The following NUP88 variants were observed in gnomAD, a reference collection of about 807,000 sequenced individuals.
The protein encoded by NUP88 is nucleoporin 88, also known as nuclear pore complex protein Nup88.
Under a neutral mutation model 93.9 loss-of-function variants are expected in NUP88, and 57 were observed. The ratio of observed to expected loss-of-function variants is 0.61; its 90% CI spans 0.49 to 0.76. NUP88 has a LOEUF of 0.76. Among genes scored for constraint, NUP88 ranks in the 30% least tolerant of loss-of-function variants. NUP88 has a pLI of 0.00. For synonymous variants in NUP88, 346 were observed against 336.8 expected (o/e 1.03, Z -0.30); for missense variants, 911 against 901.0 (o/e 1.01, Z -0.14).
At position 5,414,109 on chromosome 17, in the gene NUP88, A is replaced by C. The variant is rs1300284506; in HGVS notation, c.493T>G (p.Phe165Val). ...AGAGTCAGAGAGGTGGAACTGGTGA[A>C]AAATCTCTCCGCAACTGGAGTGGTA... is the stretch of plus-strand genomic sequence containing the variant. ...CSTTPVAERF[F>V]TSSTSLTLKH... Residue 165 changes from phenylalanine to valine, a missense_variant, in exon 3 of 17, where the codon TTC becomes GTC. By Grantham distance (50) the Phe-to-Val change is conservative (BLOSUM62 -1). Coordinates refer to ENST00000573584, the MANE Select transcript of NUP88 (RefSeq NM_002532.6). 3 of 1,613,640 alleles carry C rather than the reference A, an allele frequency of 1.9e-6. No homozygotes were observed. Among genetic ancestry groups the C allele is most frequent in the Admixed American group, 1.7e-5 (1 of 60,002 alleles).
At position 5,394,652 on chromosome 17, in the gene NUP88, C is replaced by A. The variant is rs77291596; in HGVS notation, c.1382+239G>T. On this transcript the variant is annotated intron_variant, in intron 9 of 16. Coordinates refer to ENST00000573584, the MANE Select transcript of NUP88 (RefSeq NM_002532.6). ...GAGTTAGCCAAGAGAAGACAGCAAG[C>A]TGGGGCTGGGGCTGGGGCTGGGGAA... 9.3e-3 allele frequency among the ~76,000 whole-genome samples: 1,418 copies of A among 151,658 alleles called. 30 individuals are homozygous for A. Among genetic ancestry groups the A allele is most frequent in the African/African-American group, 0.031 (1,298 of 41,354 alleles).
intron 6 of NUP88, 52 bp downstream of exon 6, chr17:5,405,005 G>A: frequency 3.4e-6 from 5 of 1,486,986 alleles, no homozygotes; most frequent in East Asian, 2.3e-5. Context: ...TATTGGGTCA[G>A]GAACTATGCC....
chr17:5,413,120 G>A (rs1212868616), intron 3 of NUP88, among the ~76,000 whole-genome samples: 2 of 152,184 alleles, frequency 1.3e-5, no homozygotes, highest in African/African-American at 2.4e-5. Context: ...TGGGACTACC[G>A]GCACATGCCA....
intron 9 of NUP88, among the ~76,000 whole-genome samples, chr17:5,394,527 G>A (rs1047800067): frequency 1.3e-5 from 2 of 152,174 alleles, no homozygotes; most frequent in African/African-American, 4.8e-5. Context: ...AGTGTAATAT[G>A]TGCTACAATG....
intron 3 of NUP88, 53 bp from the exon 4 acceptor site, chr17:5,410,842 C>A: frequency 1.8e-6 from 2 of 1,100,326 alleles, no homozygotes; most frequent in South Asian, 1.3e-5. Context: ...TTTCATTTCC[C>A]AAAACTGCAC....
chr17:5,416,737 G>A (rs1914173117), intron 1 of NUP88, 55 bp from the exon 2 acceptor site: 6 of 1,401,302 alleles, frequency 4.3e-6, no homozygotes. Context: ...AATATAGGTG[G>A]CAGTTACTTG....
chr17:5,418,540 C>T (rs1914345677), intron 1 of NUP88, among the ~76,000 whole-genome samples: 1 of 152,210 alleles, frequency 6.6e-6, no homozygotes. Context: ...GCGTGAGCCA[C>T]CGCGCCCGGC....
At chr17:5,394,473 A>G (rs1413391573) in intron 9 of NUP88, among the ~76,000 whole-genome samples, 1 of 152,232 alleles carries the variant, frequency 6.6e-6, no homozygotes, top group African/African-American at 2.4e-5. Context: ...AAACATATAC[A>G]TTCCGGTAGT....
chr17:5,408,737 G>GT lies in NUP88; in HGVS notation c.852dup (p.His285ThrfsTer20). ...TGGGTGACCACCTCAACTTACCTGT[G>GT]TAACAGACTGATGTATGTCAGGAAA... On this transcript the variant is annotated frameshift_variant, in exon 5 of 17. Coordinates refer to ENST00000573584, the MANE Select transcript of NUP88 (RefSeq NM_002532.6). LOFTEE classifies it high-confidence loss of function. 1 of 1,598,640 alleles carries GT rather than the reference G, an allele frequency of 6.3e-7. No homozygotes were observed. Among genetic ancestry groups the GT allele is most frequent in the Non-Finnish European group, 8.5e-7 (1 of 1,173,786 alleles).
At position 5,414,114 on chromosome 17, in the gene NUP88, C is replaced by A; in HGVS notation, c.488G>T (p.Arg163Ile). Residue 163 changes from arginine to isoleucine, a missense_variant, in exon 3 of 17, where the codon AGA becomes ATA. Physicochemically the swap from Arg to Ile is moderately conservative, Grantham distance 97. Coordinates refer to ENST00000573584, the MANE Select transcript of NUP88 (RefSeq NM_002532.6). The part of the protein sequence containing the change: ...VNCSTTPVAE[R>I]FFTSSTSLTL... ...CAGAGAGGTGGAACTGGTGAAAAAT[C>A]TCTCCGCAACTGGAGTGGTACTAAA... 6.2e-7 allele frequency: 1 copy of A among 1,613,762 alleles called. No individual in the cohort carries two copies. Among genetic ancestry groups the A allele is most frequent in the Non-Finnish European group, 8.5e-7 (1 of 1,179,690 alleles).
At chr17:5,389,047 TCAGAATATAAA>T in intron 10 of NUP88, 87 bp from the exon 11 acceptor site, 1 of 982,594 alleles carries the variant, frequency 1.0e-6, no homozygotes, top group East Asian at 2.8e-5. Flanking sequence ...TCCAGAACTT[TCAGAATATAAA>T]ATAAAGTGTA....
intron 2 of NUP88, among the ~76,000 whole-genome samples, chr17:5,415,544 C>G (rs1009882209): frequency 6.6e-6 from 1 of 152,078 alleles, no homozygotes; most frequent in Non-Finnish European, 1.5e-5. Flanking sequence ...TTATAAGTTG[C>G]GGAGCTAAAA....
intron 8 of NUP88, among the ~76,000 whole-genome samples, chr17:5,397,180 A>G (rs13341047): frequency 0.017 from 2,621 of 152,148 alleles, 69 homozygotes; most frequent in African/African-American, 0.06. Flanking sequence ...TCTCTACAAA[A>G]AACACAAAAA....
intron 7 of NUP88, among the ~76,000 whole-genome samples, chr17:5,401,059 G>A (rs1913129521): frequency 6.6e-6 from 1 of 151,914 alleles, no homozygotes; most frequent in African/African-American, 2.4e-5. Flanking sequence ...ATTTATCTCT[G>A]TAACTCAATA....
At chr17:5,392,018 C>T (rs902584626) in intron 9 of NUP88, among the ~76,000 whole-genome samples, 1 of 152,230 alleles carries the variant, frequency 6.6e-6, no homozygotes, top group African/African-American at 2.4e-5. Flanking sequence ...GTTGAATGAA[C>T]AGAACTACCG....
intron 2 of NUP88, among the ~76,000 whole-genome samples, chr17:5,416,158 A>AGTATATATATATATAT (rs1398677145): frequency 8.3e-4 from 78 of 93,832 alleles, no homozygotes; most frequent in East Asian, 2.9e-3. Flanking sequence ...AAAAAAAAAA[A>AGTATATATATATATAT]AAAAAAAAGT....
Position 5,388,930 on chromosome 17 carries a change from CAG to C in NUP88, c.1513_1514del (p.Leu505AlafsTer8), listed in dbSNP as rs1279447571. The stretch of plus-strand genomic sequence containing the variant: ...CTTCAACATCTTCTCGAGTACAAAG[CAG>C]GGGAGGAGACGCTGGATGGACTGTA... ...LSTVHPASPP[L>X]LCTREDVEVA... On this transcript the variant is annotated frameshift_variant, in exon 11 of 17. Coordinates refer to ENST00000573584, the MANE Select transcript of NUP88 (RefSeq NM_002532.6). LOFTEE classifies it high-confidence loss of function. 1.2e-6 allele frequency: 2 copies of C among 1,612,948 alleles called. No homozygotes were observed. The highest frequency in any genetic ancestry group is 1.7e-6 in the Non-Finnish European group (2 of 1,179,550).
intron 16 of NUP88, 143 bp downstream of exon 16, chr17:5,386,565 C>A: frequency 1.4e-6 from 1 of 710,266 alleles, no homozygotes; most frequent in Admixed American, 2.2e-5. Flanking sequence ...TCTTAAGTCC[C>A]TATGTATCAT....
In NUP88 at chr17:5,419,416, A is replaced by G. The variant is rs146275519; in HGVS notation, c.235T>C (p.Leu79=). 38 of 1,613,074 alleles carry G rather than the reference A, an allele frequency of 2.4e-5. No individual in the cohort carries two copies. In the African/African-American group the frequency reaches 4.7e-4, roughly 20 times the overall value. Residue 79 remains leucine, a synonymous_variant, in exon 1 of 17, where the codon TTA becomes CTA. Transcript: ENST00000573584. The stretch of plus-strand genomic sequence containing the variant: ...CTGGGGCCCCGAAGGCGAACGACTA[A>G]GAAGGAGCTGTCTTCTCCGTCCCAC... ...FLWDGEDSSF[L]VVRLRGPSGG...
Sources: allele counts gnomAD v4.1 joint callset (sites outside exome capture counted in the v4.1 genomes callset), GRCh38; gene constraint gnomAD v4.1.1; transcripts MANE v1.5; gene names NCBI Gene and HGNC (gene_info 2026-07-23, HGNC 2026-07-21).